FEZ1: variants seen among roughly 807,000 people sequenced by gnomAD.
The protein encoded by FEZ1 is fasciculation and elongation protein zeta-1.
In FEZ1, 20 loss-of-function variants were observed where a neutral mutation model predicts 49.3. The ratio of observed to expected loss-of-function variants is 0.41; its 90% CI spans 0.29 to 0.59. The LOEUF is 0.59. Ranked by LOEUF, FEZ1 falls within the 20% of genes least tolerant of loss-of-function variation. The pLI is 0.36. For synonymous variants in FEZ1, 170 were observed against 180.9 expected (o/e 0.94, Z 0.48); for missense variants, 413 against 476.0 (o/e 0.87, Z 1.23).
chr11:125,448,664 G>T, intron 8 of FEZ1, 97 bp from the exon 9 acceptor site: 4 of 780,500 alleles, frequency 5.1e-6, no homozygotes, highest in Non-Finnish European at 9.0e-6. Context: ...AGAGAGAAAT[G>T]ATTCAAAAGA....
intron 3 of FEZ1, among the ~76,000 whole-genome samples, chr11:125,466,914 C>T (rs1957135808): frequency 6.6e-6 from 1 of 152,032 alleles, no homozygotes; most frequent in Non-Finnish European, 1.5e-5. Context: ...TTTTCCTCCC[C>T]TTACCACTAT....
At chr11:125,479,910 G>C (rs956684507) in intron 3 of FEZ1, among the ~76,000 whole-genome samples, 11 of 152,096 alleles carry the variant, frequency 7.2e-5, no homozygotes, top group African/African-American at 2.7e-4. Context: ...AGATAGGAGG[G>C]GCAATTTGGA....
chr11:125,447,821 C>CAG lies in FEZ1; in HGVS notation c.1162+680_1162+681insCT, dbSNP rs1555177706. Among the ~76,000 whole-genome samples the CAG allele has an allele frequency of 8.3e-4, 61 of 73,540 alleles. No individual in the cohort carries two copies. In the South Asian group the frequency reaches 0.019, roughly 23 times the overall value. 48.2% of individuals were successfully genotyped at this position (73,540 alleles called of 152,430 possible). Reference sequence around the variant, plus strand: ...TGGGTGACAGAGCGAGATTCCATCTCAAAAAAAAAAAAAAAGAAAGAAACT... The same window carrying CAG: ...TGGGTGACAGAGCGAGATTCCATCTCAGAAAAAAAAAAAAAAAGAAAGAAACT... On this transcript the variant is annotated intron_variant, in intron 9 of 9. Transcript: ENST00000278919.
At chr11:125,485,287 C>T (rs947367994) in intron 2 of FEZ1, among the ~76,000 whole-genome samples, 5 of 151,948 alleles carry the variant, frequency 3.3e-5, no homozygotes, top group Admixed American at 6.5e-5. Flanking sequence ...AAGTATCTTT[C>T]GCCACAGAGA....
At chr11:125,457,429 A>AAAAAAATATAT (rs1164500309) in intron 5 of FEZ1, among the ~76,000 whole-genome samples, 3 of 20,916 alleles carry the variant, frequency 1.4e-4, no homozygotes, top group Non-Finnish European at 2.4e-4. Flanking sequence ...AAAAAAAAAA[A>AAAAAAATATAT]ATATATATAT....
intron 9 of FEZ1, among the ~76,000 whole-genome samples, 200 bp downstream of exon 9, chr11:125,448,302 G>A (rs1298649463): frequency 4.6e-5 from 7 of 152,274 alleles, no homozygotes; most frequent in African/African-American, 1.2e-4. Context: ...CTGGTGACTC[G>A]GGGGTGATGG....
chr11:125,467,197 C>T (rs1957138746), intron 3 of FEZ1, among the ~76,000 whole-genome samples: 1 of 152,036 alleles, frequency 6.6e-6, no homozygotes, highest in African/African-American at 2.4e-5. Context: ...CCACACCTGA[C>T]TAAGATTTTT....
intron 5 of FEZ1, among the ~76,000 whole-genome samples, chr11:125,457,280 T>A (rs1380782162): frequency 2.0e-5 from 3 of 147,512 alleles, no homozygotes; most frequent in Non-Finnish European, 4.5e-5. Context: ...TAAAAAAAAA[T>A]TTAGGCCAGG....
intron 6 of FEZ1, chr11:125,455,621 A>T: frequency 1.6e-6 from 1 of 637,398 alleles, no homozygotes. Flanking sequence ...CCTAATGTAC[A>T]CACTGTCTTC....
intron 4 of FEZ1, among the ~76,000 whole-genome samples, chr11:125,461,196 G>T (rs916545485): frequency 1.6e-4 from 24 of 152,164 alleles, no homozygotes; most frequent in Admixed American, 1.4e-3. Context: ...ATAATAGAAG[G>T]ATAGGTGGAG....
chr11:125,448,556 T>C lies in FEZ1; in HGVS notation c.1108A>G (p.Met370Val). The C allele has an allele frequency of 6.2e-7, 1 of 1,609,940 alleles. No individual in the cohort carries two copies. The highest frequency in any genetic ancestry group is 8.5e-7 in the Non-Finnish European group (1 of 1,176,288). ...GGCACCTTCTCATTATCCTCCTTCA[T>C]GGCAAAGAGAACTAGGAAAGGAGAC... Reference protein sequence around the residue: ...LQMLTNILFAMKEDNEKVPTL... With the variant: ...LQMLTNILFAVKEDNEKVPTL... Residue 370 changes from methionine (M) to valine (V), a missense_variant, in exon 9 of 10, where the codon ATG becomes GTG. By Grantham distance (21) the Met-to-Val change is conservative. Coordinates refer to ENST00000278919, the MANE Select transcript of FEZ1 (RefSeq NM_005103.5).
chr11:125,446,217 T>A (rs1416575378), intron 9 of FEZ1, 106 bp from the exon 10 acceptor site: 2 of 1,026,608 alleles, frequency 1.9e-6, no homozygotes, highest in Non-Finnish European at 3.1e-6. Flanking sequence ...AGCTCCTGAG[T>A]GGTGACAGCC....
intron 1 of FEZ1, among the ~76,000 whole-genome samples, chr11:125,493,413 A>G (rs949545893): frequency 2.0e-4 from 14 of 69,306 alleles, no homozygotes; most frequent in East Asian, 7.7e-4. Context: ...AAAGAAAGAA[A>G]GAAAGAAAGA....
intron 3 of FEZ1, among the ~76,000 whole-genome samples, chr11:125,472,913 T>C (rs1957195646): frequency 6.6e-6 from 1 of 152,182 alleles, no homozygotes; most frequent in Non-Finnish European, 1.5e-5. Flanking sequence ...TAAATTGATC[T>C]ACATATATAA....
At position 125,445,940 on chromosome 11, in the gene FEZ1, C is replaced by T. The variant is rs770039112; in HGVS notation, c.*155G>A. On this transcript the variant is annotated 3_prime_UTR_variant, in exon 10 of 10. Transcript: ENST00000278919. This position sits in a 1 kb window ranked among gnomAD's most constrained non-coding sequence, Gnocchi z 4.4. ...AATGATTACTAGCACTAGAAGCCAA[C>T]GGCAAAGGACCCCGCGCGCTTGCTC... 20 of 775,422 alleles carry T rather than the reference C, an allele frequency of 2.6e-5. No homozygotes were observed. Among genetic ancestry groups the T allele is most frequent in the East Asian group, 5.2e-5 (2 of 38,220 alleles). 48.0% of individuals were successfully genotyped at this position (775,422 alleles called of 1,614,324 possible). A position where few individuals can be genotyped will look rare whatever the true frequency, so the allele number is the denominator to read the frequency against.
At chr11:125,483,492 G>A (rs903080346) in intron 2 of FEZ1, among the ~76,000 whole-genome samples, 1 of 152,118 alleles carries the variant, frequency 6.6e-6, no homozygotes, top group Non-Finnish European at 1.5e-5. Flanking sequence ...TCTCCATCAG[G>A]CACTATTAGA....
chr11:125,451,679 C>T (rs1956959439), intron 8 of FEZ1, among the ~76,000 whole-genome samples: 1 of 152,198 alleles, frequency 6.6e-6, no homozygotes, highest in Non-Finnish European at 1.5e-5. Context: ...TGGCTAACAC[C>T]ATGTGCCCCC....
Position 125,495,795 on chromosome 11 carries a change from C to G in FEZ1, c.-46+326G>C, listed in dbSNP as rs1256535565. ...GCGCGCACACACGCGGGCACACACA[C>G]GCGGACACACACACACACACACACA... On this transcript the variant is annotated intron_variant, in intron 1 of 9. Coordinates refer to ENST00000278919, the MANE Select transcript of FEZ1 (RefSeq NM_005103.5). This position sits in a 1 kb window ranked among gnomAD's most constrained non-coding sequence, Gnocchi z 4.2. 1 of 311,598 alleles carries G rather than the reference C, an allele frequency of 3.2e-6. No individual in the cohort carries two copies. The allele number at this position is 311,598 out of a possible 1,614,324, so 19.3% of individuals were successfully genotyped here. A position where few individuals can be genotyped will look rare whatever the true frequency, so the allele number is the denominator to read the frequency against.
chr11:125,475,505 T>C (rs1179019001), intron 3 of FEZ1, among the ~76,000 whole-genome samples: 1 of 151,980 alleles, frequency 6.6e-6, no homozygotes, highest in Non-Finnish European at 1.5e-5. Flanking sequence ...GGTAGTTCCT[T>C]AAAAATTTAG....
Sources: allele counts gnomAD v4.1 joint callset (sites outside exome capture counted in the v4.1 genomes callset), GRCh38; gene constraint gnomAD v4.1.1; non-coding constraint Gnocchi (gnomAD v3.1); transcripts MANE v1.5; gene names NCBI Gene and HGNC (gene_info 2026-07-23, HGNC 2026-07-21).